The following AKAP6 variants were observed in gnomAD, a reference collection of about 807,000 sequenced individuals.
AKAP6 encodes A-kinase anchor protein 6.
AKAP6 carries 58 observed loss-of-function variants against 188.5 expected under a neutral mutation model. The ratio of observed to expected loss-of-function variants is 0.31; its 90% CI spans 0.25 to 0.38. The LOEUF is 0.38. AKAP6 is among the 10% of genes least tolerant of loss of function. The pLI is 1.00. For synonymous variants in AKAP6, 989 were observed against 998.6 expected (o/e 0.99, Z 0.18); for missense variants, 2,710 against 2,740.0 (o/e 0.99, Z 0.24).
At chr14:32,591,648 CT>C (rs71432068) in intron 5 of AKAP6, among the ~76,000 whole-genome samples, 56,946 of 131,558 alleles carry the variant, frequency 0.43, 11,342 homozygotes, top group East Asian at 0.86. Context: ...AGTGTCTTCT[CT>C]TTTTTTTTTT....
At chr14:32,540,156 C>CTT (rs1484485578) in intron 3 of AKAP6, among the ~76,000 whole-genome samples, 55 of 116,862 alleles carry the variant, frequency 4.7e-4, no homozygotes, top group African/African-American at 1.9e-3. Context: ...CTCTCTCTCT[C>CTT]TCTCTCTCTC....
intron 4 of AKAP6, among the ~76,000 whole-genome samples, chr14:32,574,123 C>T (rs1248008987): frequency 6.6e-6 from 1 of 152,174 alleles, no homozygotes; most frequent in Non-Finnish European, 1.5e-5. Context: ...AGCTAGATCT[C>T]CCTAAAGGGA....
At position 32,446,020 on chromosome 14, in the gene AKAP6, C is replaced by T. The variant is rs867218487; in HGVS notation, c.324+12203C>T. On this transcript the variant is annotated intron_variant, in intron 2 of 13. Transcript: ENST00000280979. ...GAATGATTTGAGGGAGAAAGCCTCA[C>T]CTCAAAAGTTCTATTGGCAATTTTA... Among the ~76,000 whole-genome samples the T allele has an allele frequency of 1.2e-4, 19 of 152,192 alleles. 1 individual carries two copies. The highest frequency in any genetic ancestry group is 6.8e-3 in the Middle Eastern group (2 of 294).
chr14:32,398,865 T>TG, intron 1 of AKAP6, among the ~76,000 whole-genome samples: 2 of 144,672 alleles, frequency 1.4e-5, no homozygotes, highest in Non-Finnish European at 3.0e-5. Context: ...TTTTTTTTTT[T>TG]TTTTTTGATG....
intron 3 of AKAP6, among the ~76,000 whole-genome samples, chr14:32,540,168 C>CTATATATATATATATATATA (rs61668961): frequency 1.6e-5 from 1 of 60,922 alleles, no homozygotes; most frequent in African/African-American, 9.8e-5. Flanking sequence ...CTCTCTCTCT[C>CTATATATATATATATATATA]TATATATATA....
At chr14:32,629,997 G>A (rs1000166856) in intron 7 of AKAP6, among the ~76,000 whole-genome samples, 8 of 152,228 alleles carry the variant, frequency 5.3e-5, no homozygotes, top group African/African-American at 1.9e-4. Context: ...ATTATGAGAG[G>A]AAAAGAAAAC....
At chr14:32,827,478 T>A (rs138108588) in intron 13 of AKAP6, among the ~76,000 whole-genome samples, 17 of 152,296 alleles carry the variant, frequency 1.1e-4, no homozygotes, top group African/African-American at 3.8e-4. Flanking sequence ...GATTTTCAAA[T>A]GTTTTTTATT....
intron 2 of AKAP6, among the ~76,000 whole-genome samples, chr14:32,450,799 G>C (rs78093701): frequency 0.04 from 6,030 of 152,164 alleles, 135 homozygotes; most frequent in East Asian, 0.1. Flanking sequence ...GGGAGGAATC[G>C]AATTAATTGA....
At chr14:32,425,650 A>G (rs114851143) in intron 1 of AKAP6, among the ~76,000 whole-genome samples, 1,657 of 152,032 alleles carry the variant, frequency 0.011, 33 homozygotes, top group African/African-American at 0.037. Flanking sequence ...AGAGGAAGGA[A>G]GGAAGGAAGG....
intron 6 of AKAP6, 136 bp from the exon 7 acceptor site, chr14:32,600,493 G>A: frequency 1.0e-6 from 1 of 976,166 alleles, no homozygotes; most frequent in Non-Finnish European, 1.4e-6. Flanking sequence ...GACAAATGCT[G>A]ATATGGCAGG....
At chr14:32,534,938 C>G (rs1882598345) in intron 2 of AKAP6, among the ~76,000 whole-genome samples, 1 of 140,784 alleles carries the variant, frequency 7.1e-6, no homozygotes, top group Admixed American at 7.6e-5. Context: ...GCATTCCAGC[C>G]TATGTGACAA....
chr14:32,788,533 G>A (rs1294689577), intron 12 of AKAP6, among the ~76,000 whole-genome samples: 1 of 152,136 alleles, frequency 6.6e-6, no homozygotes, highest in Non-Finnish European at 1.5e-5. Flanking sequence ...GGGGGTGGGG[G>A]CAACAGCCCA....
At chr14:32,534,440 C>T (rs752316607) in intron 2 of AKAP6, among the ~76,000 whole-genome samples, 2 of 152,080 alleles carry the variant, frequency 1.3e-5, no homozygotes. Flanking sequence ...TCTGACAGCA[C>T]GATGGAAATT....
chr14:32,625,284 C>G (rs1886972179), intron 7 of AKAP6, among the ~76,000 whole-genome samples: 1 of 152,104 alleles, frequency 6.6e-6, no homozygotes, highest in African/African-American at 2.4e-5. Context: ...CACATCCAAA[C>G]AGCCACAGCT....
intron 1 of AKAP6, among the ~76,000 whole-genome samples, chr14:32,413,525 G>A (rs1365135799): frequency 6.6e-6 from 1 of 152,104 alleles, no homozygotes; most frequent in Admixed American, 6.6e-5. Context: ...CATAGAAGGA[G>A]GAACCTCACA....
chr14:32,493,506 C>T (rs543055069), intron 2 of AKAP6, among the ~76,000 whole-genome samples: 3 of 152,150 alleles, frequency 2.0e-5, no homozygotes, highest in Non-Finnish European at 4.4e-5. Flanking sequence ...CTACCGCACC[C>T]GGCCTAAGGC....
At chr14:32,472,280 A>G (rs2138864495) in intron 2 of AKAP6, among the ~76,000 whole-genome samples, 1 of 152,118 alleles carries the variant, frequency 6.6e-6, no homozygotes, top group East Asian at 1.9e-4. Context: ...GAAGGGCATG[A>G]CCTTGGGTGA....
chr14:32,449,408 G>C (rs1450402520), intron 2 of AKAP6, among the ~76,000 whole-genome samples: 1 of 151,512 alleles, frequency 6.6e-6, no homozygotes. Context: ...TCTAATCCCA[G>C]CCACTCAGGA....
chr14:32,583,704 T>G (rs1159354477), intron 5 of AKAP6, among the ~76,000 whole-genome samples: 1 of 152,220 alleles, frequency 6.6e-6, no homozygotes, highest in Non-Finnish European at 1.5e-5. Context: ...CCAGCCTCGC[T>G]GCTGCCTTGC....
Sources: gnomAD v4.1 joint callset for allele counts (sites outside exome capture counted in the v4.1 genomes callset) on GRCh38, gnomAD v4.1.1 for gene constraint, MANE v1.5 for transcripts, NCBI Gene and HGNC (gene_info 2026-07-23, HGNC 2026-07-21) for gene names.